TBC1D14: variants seen among roughly 807,000 people sequenced by gnomAD.
TBC1D14 encodes the protein TBC1 domain family member 14.
A neutral mutation model predicts 79.0 loss-of-function variants in TBC1D14; 26 were observed. The observed-to-expected ratio is 0.33, with a 90% CI of 0.24 to 0.46. TBC1D14 has a LOEUF of 0.46. Ranked by LOEUF, TBC1D14 falls within the 20% of genes least tolerant of loss-of-function variation. The pLI is 1.00. For synonymous variants in TBC1D14, 394 were observed against 349.9 expected (o/e 1.13, Z -1.40); for missense variants, 769 against 887.6 (o/e 0.87, Z 1.70).
intron 13 of TBC1D14, among the ~76,000 whole-genome samples, chr4:7,027,333 C>CCA (rs141031590): frequency 1.4e-4 from 20 of 146,458 alleles, no homozygotes; most frequent in Non-Finnish European, 1.1e-4. Context: ...CACAATCACC[C>CCA]CACACACACA....
chr4:6,912,436 C>T (rs543260512), intron 1 of TBC1D14, among the ~76,000 whole-genome samples: 8 of 151,736 alleles, frequency 5.3e-5, no homozygotes, highest in South Asian at 4.2e-4. Context: ...TTCTTGGGCC[C>T]GGGTGGTTTA....
At chr4:7,007,435 C>G (rs1720314122) in intron 9 of TBC1D14, 1 of 748,578 alleles carries the variant, frequency 1.3e-6, no homozygotes. Context: ...TGATCCCTTT[C>G]TTATCTATAA....
In TBC1D14 at chr4:6,953,023, C is replaced by CTTT. The variant is rs371101904; in HGVS notation, c.723-14265_723-14263dup. Among the ~76,000 whole-genome samples the CTTT allele has an allele frequency of 9.2e-3, 983 of 107,076 alleles. 25 individuals carry two copies. The highest frequency in any genetic ancestry group is 0.033 in the African/African-American group (903 of 27,420). 70.2% of individuals were successfully genotyped at this position (107,076 alleles called of 152,430 possible). ...CGCCTAGCTAACTATTTTTTTCTTT[C>CTTT]TTTTTTTTTTTTTTTTTTCTGAGAC... is the stretch of plus-strand genomic sequence containing the variant. On this transcript the variant is annotated intron_variant, in intron 2 of 13. Coordinates refer to ENST00000409757, the MANE Select transcript of TBC1D14 (RefSeq NM_020773.3).
intron 3 of TBC1D14, among the ~76,000 whole-genome samples, chr4:6,976,165 C>G (rs1409828501): frequency 6.6e-6 from 1 of 152,090 alleles, no homozygotes; most frequent in East Asian, 1.9e-4. Context: ...ATGAACAGAG[C>G]CTTAGGAACA....
chr4:7,008,703 G>A (rs945454618), intron 9 of TBC1D14, among the ~76,000 whole-genome samples: 7 of 152,210 alleles, frequency 4.6e-5, no homozygotes, highest in Non-Finnish European at 7.3e-5. Context: ...GAGCCACTGC[G>A]CCCAGCCGCA....
intron 1 of TBC1D14, among the ~76,000 whole-genome samples, chr4:6,911,299 A>G (rs1292701370): frequency 6.6e-6 from 1 of 152,144 alleles, no homozygotes; most frequent in Non-Finnish European, 1.5e-5. Flanking sequence ...GGGCGAAAAC[A>G]CCTTTTGGGA....
At chr4:6,994,998 C>A (rs144367070) in intron 4 of TBC1D14, among the ~76,000 whole-genome samples, 1 of 152,080 alleles carries the variant, frequency 6.6e-6, no homozygotes. Context: ...GAAGTCCAGT[C>A]GTTTTCATGC....
chr4:6,964,288 T>A (rs571956358), intron 2 of TBC1D14, among the ~76,000 whole-genome samples: 81 of 152,120 alleles, frequency 5.3e-4, no homozygotes, highest in Non-Finnish European at 1.0e-3. Flanking sequence ...TCACCCAGAC[T>A]TCTCCTTTCT....
chr4:6,973,815 T>G (rs1716467207), intron 3 of TBC1D14, among the ~76,000 whole-genome samples: 1 of 151,956 alleles, frequency 6.6e-6, no homozygotes. Flanking sequence ...TAGTTTTATT[T>G]ATTTATTTAT....
At chr4:6,918,503 C>A (rs1294208952) in intron 1 of TBC1D14, among the ~76,000 whole-genome samples, 1 of 152,186 alleles carries the variant, frequency 6.6e-6, no homozygotes, top group Non-Finnish European at 1.5e-5. Context: ...ATGCCTTCAG[C>A]AGACCTTCTC....
At chr4:7,023,692 G>C (rs923167381) in intron 12 of TBC1D14, among the ~76,000 whole-genome samples, 1 of 152,308 alleles carries the variant, frequency 6.6e-6, no homozygotes, top group African/African-American at 2.4e-5. Flanking sequence ...GTCTGGCTCG[G>C]GACTTACTGG....
chr4:7,005,823 T>G (rs1720138441), intron 8 of TBC1D14, among the ~76,000 whole-genome samples: 1 of 152,160 alleles, frequency 6.6e-6, no homozygotes. Context: ...AGTACCCTGG[T>G]GTCTGGGATT....
chr4:7,001,637 AT>A (rs34936651), intron 7 of TBC1D14, among the ~76,000 whole-genome samples: 5 of 151,852 alleles, frequency 3.3e-5, no homozygotes, highest in Non-Finnish European at 7.4e-5. Context: ...ATTTTGTGGG[AT>A]TTTTTTTCAG....
chr4:6,948,928 T>C (rs1481940926), intron 2 of TBC1D14, among the ~76,000 whole-genome samples: 2 of 151,628 alleles, frequency 1.3e-5, no homozygotes, highest in Non-Finnish European at 2.9e-5. Flanking sequence ...CCGGGCGTGG[T>C]GGCTTACATC....
chr4:6,939,951 G>C (rs969587785), intron 2 of TBC1D14, among the ~76,000 whole-genome samples: 1 of 152,194 alleles, frequency 6.6e-6, no homozygotes, highest in Non-Finnish European at 1.5e-5. Flanking sequence ...CAGGCGTCAC[G>C]ACCTACACCA....
intron 3 of TBC1D14, among the ~76,000 whole-genome samples, chr4:6,969,468 C>T (rs557912591): frequency 6.6e-6 from 1 of 151,936 alleles, no homozygotes; most frequent in African/African-American, 2.4e-5. Flanking sequence ...TGCAGTGGTG[C>T]GATCTTGGCT....
intron 3 of TBC1D14, among the ~76,000 whole-genome samples, chr4:6,993,897 C>T (rs906321283): frequency 6.6e-6 from 1 of 152,150 alleles, no homozygotes; most frequent in Non-Finnish European, 1.5e-5. Flanking sequence ...CTATTTCCAG[C>T]TACTTGAGAG....
chr4:6,999,283 C>A, intron 6 of TBC1D14, 81 bp downstream of exon 6: 1 of 1,217,306 alleles, frequency 8.2e-7, no homozygotes, highest in South Asian at 1.2e-5. Context: ...GTCGTCATAG[C>A]CAGCAGTGAC....
chr4:6,940,617 G>T (rs901365824), intron 2 of TBC1D14, among the ~76,000 whole-genome samples: 1 of 152,096 alleles, frequency 6.6e-6, no homozygotes. Context: ...TGACGGGGGT[G>T]GGGGAGGAGC....
Sources: gnomAD v4.1 joint callset for allele counts (sites outside exome capture counted in the v4.1 genomes callset) on GRCh38, gnomAD v4.1.1 for gene constraint, MANE v1.5 for transcripts, NCBI Gene and HGNC (gene_info 2026-07-23, HGNC 2026-07-21) for gene names.